Variants in COL21A1 observed in about 807,000 individuals in gnomAD.
COL21A1 encodes collagen alpha-1(XXI) chain.
COL21A1 carries 149 observed loss-of-function variants against 137.9 expected under a neutral mutation model. That is an observed-to-expected ratio of 1.08 (90% CI 0.95 to 1.24). The LOEUF (loss-of-function observed/expected upper bound fraction) is 1.24, where lower values mean the gene tolerates loss of function less well. COL21A1 is among the 50% of genes most tolerant of loss of function. COL21A1 has a pLI of 0.00. For synonymous variants in COL21A1, 456 were observed against 391.5 expected, an observed-to-expected ratio of 1.16 and a Z score of -1.95; for missense variants, 1,167 against 1,158.4, an observed-to-expected ratio of 1.01 and a Z score of -0.11.
At chr6:56,323,297 C>G (rs1415007381) in intron 1 of COL21A1, among the ~76,000 whole-genome samples, 1 of 152,050 alleles carries the variant, frequency 6.6e-6, no homozygotes, top group Non-Finnish European at 1.5e-5. Flanking sequence ...ATATTGTTTT[C>G]TTGAAAAATC....
intron 1 of COL21A1, among the ~76,000 whole-genome samples, chr6:56,383,991 T>C (rs200594085): frequency 1.3e-5 from 1 of 75,746 alleles, no homozygotes. Context: ...TATAGATTAA[T>C]TTTTTTCCTT....
intron 3 of COL21A1, among the ~76,000 whole-genome samples, chr6:56,177,661 G>C (rs1401671040): frequency 6.6e-6 from 1 of 151,762 alleles, no homozygotes; most frequent in Non-Finnish European, 1.5e-5. Context: ...CGGGCGTGGT[G>C]GGCGCCTGTA....
chr6:56,209,781 A>G (rs1462084690), intron 1 of COL21A1, among the ~76,000 whole-genome samples: 1 of 152,196 alleles, frequency 6.6e-6, no homozygotes, highest in Non-Finnish European at 1.5e-5. Flanking sequence ...TACTGGGTAT[A>G]TACCCAAGGA....
chr6:56,381,828 T>C (rs1274490596), intron 1 of COL21A1, among the ~76,000 whole-genome samples: 1 of 152,142 alleles, frequency 6.6e-6, no homozygotes, highest in Non-Finnish European at 1.5e-5. Context: ...TGACTCCAAA[T>C]TGGAAGTCAC....
chr6:56,146,400 A>G (rs147017230), intron 10 of COL21A1, among the ~76,000 whole-genome samples: 1 of 152,304 alleles, frequency 6.6e-6, no homozygotes, highest in East Asian at 1.9e-4. Context: ...AAATTTCAAG[A>G]AAATTAATAA....
chr6:56,198,264 T>C (rs1448400094), intron 1 of COL21A1, among the ~76,000 whole-genome samples: 1 of 152,048 alleles, frequency 6.6e-6, no homozygotes, highest in Non-Finnish European at 1.5e-5. Context: ...TTTTGAGATA[T>C]ATGATGAATA....
intron 17 of COL21A1, among the ~76,000 whole-genome samples, chr6:56,099,590 T>C (rs1770259331): frequency 6.6e-6 from 1 of 151,962 alleles, no homozygotes; most frequent in Non-Finnish European, 1.5e-5. Flanking sequence ...TATTTCCCTC[T>C]TCCTCTTTTT....
At chr6:56,281,674 GA>G (rs1463294943) in intron 1 of COL21A1, among the ~76,000 whole-genome samples, 1 of 152,132 alleles carries the variant, frequency 6.6e-6, no homozygotes, top group Non-Finnish European at 1.5e-5. Context: ...CTGCTAATCT[GA>G]AGCATCACTT....
intron 12 of COL21A1, among the ~76,000 whole-genome samples, chr6:56,132,410 G>T (rs997451968): frequency 6.6e-6 from 1 of 152,082 alleles, no homozygotes; most frequent in African/African-American, 2.4e-5. Context: ...AGGAAATTTT[G>T]ATTATAAAGA....
intron 10 of COL21A1, among the ~76,000 whole-genome samples, chr6:56,145,558 A>T (rs2152242225): frequency 6.6e-6 from 1 of 152,316 alleles, no homozygotes; most frequent in African/African-American, 2.4e-5. Context: ...GGAAAAAGAA[A>T]TAAAACATTG....
chr6:56,241,764 C>A (rs1582718144), intron 1 of COL21A1, among the ~76,000 whole-genome samples: 1 of 152,142 alleles, frequency 6.6e-6, no homozygotes, highest in African/African-American at 2.4e-5. Context: ...AAACGACAAT[C>A]AAAAATGGTT....
intron 1 of COL21A1, among the ~76,000 whole-genome samples, chr6:56,322,309 G>A (rs954179575): frequency 1.3e-5 from 2 of 152,120 alleles, no homozygotes; most frequent in African/African-American, 4.8e-5. Flanking sequence ...CTCTTCAAAA[G>A]TTGAAGAAAT....
intron 10 of COL21A1, among the ~76,000 whole-genome samples, chr6:56,151,125 C>G (rs1775289393): frequency 6.6e-6 from 1 of 152,090 alleles, no homozygotes; most frequent in African/African-American, 2.4e-5. Flanking sequence ...ACTCGGGAGG[C>G]TGAGGCAGGA....
intron 1 of COL21A1, among the ~76,000 whole-genome samples, chr6:56,279,325 G>A (rs1342614041): frequency 6.6e-6 from 1 of 152,148 alleles, no homozygotes; most frequent in Non-Finnish European, 1.5e-5. Context: ...GGAACTGTGA[G>A]CCAATTAAAT....
At chr6:56,260,565 C>T (rs1343435726) in intron 1 of COL21A1, among the ~76,000 whole-genome samples, 1 of 88,718 alleles carries the variant, frequency 1.1e-5, no homozygotes, top group Non-Finnish European at 2.3e-5. Context: ...CAGAACAAGA[C>T]TCTATCAAAA....
intron 17 of COL21A1, among the ~76,000 whole-genome samples, chr6:56,096,142 T>C (rs907137897): frequency 5.9e-5 from 5 of 84,414 alleles, no homozygotes; most frequent in African/African-American, 2.4e-4. Context: ...CCACCATGTC[T>C]GGCCTGCATT....
chr6:56,167,605 C>A (rs1345512983), intron 6 of COL21A1, among the ~76,000 whole-genome samples: 1 of 152,152 alleles, frequency 6.6e-6, no homozygotes, highest in African/African-American at 2.4e-5. Flanking sequence ...ACACATTTCT[C>A]CATCCAAATA....
chr6:56,304,595 T>C (rs1367565710), intron 1 of COL21A1, among the ~76,000 whole-genome samples: 1 of 152,232 alleles, frequency 6.6e-6, no homozygotes, highest in Non-Finnish European at 1.5e-5. Flanking sequence ...TTATCATTTT[T>C]TATTGTGTCT....
In COL21A1 at chr6:56,061,362, C is replaced by T. The variant is rs988720139; in HGVS notation, c.2205+287G>A. Among the ~76,000 whole-genome samples the T allele has an allele frequency of 3.3e-5, 5 of 152,082 alleles. No homozygotes were observed. In the South Asian group the frequency reaches 1.0e-3, roughly 32 times the overall value. On this transcript the variant is annotated intron_variant, in intron 25 of 29. Coordinates refer to ENST00000244728, the MANE Select transcript of COL21A1 (RefSeq NM_030820.4). ...ACAAGGAGCTTGCATTTTAGTGGGT[C>T]CGACAGATACAGAAATGTACAATAT...
Sources: allele counts gnomAD v4.1 joint callset (sites outside exome capture counted in the v4.1 genomes callset), GRCh38; gene constraint gnomAD v4.1.1; transcripts MANE v1.5; gene names NCBI Gene and HGNC (gene_info 2026-07-23, HGNC 2026-07-21).